TRAPPC9: variants seen among roughly 807,000 people sequenced by gnomAD.
TRAPPC9 encodes the protein trafficking protein particle complex subunit 9, also known as IKK2 binding protein.
Under a neutral mutation model 124.0 loss-of-function variants are expected in TRAPPC9, and 83 were observed. The observed-to-expected ratio is 0.67, with a 90% CI of 0.56 to 0.80. The LOEUF (loss-of-function observed/expected upper bound fraction) is 0.80, where lower values mean the gene tolerates loss of function less well. Among genes scored for constraint, TRAPPC9 ranks in the 30% least tolerant of loss-of-function variants. The probability of loss-of-function intolerance (pLI) is 0.00; values close to 1 mark genes in which losing one functional copy is unlikely to be tolerated. For missense variants in TRAPPC9, 1,302 were observed against 1,508.3 expected, an observed-to-expected ratio of 0.86 and a Z score of 2.27; for synonymous variants, 638 against 617.5, an observed-to-expected ratio of 1.03 and a Z score of -0.49.
intron 17 of TRAPPC9, among the ~76,000 whole-genome samples, chr8:140,130,432 C>A (rs953760111): frequency 3.3e-5 from 5 of 152,076 alleles, no homozygotes; most frequent in Non-Finnish European, 7.4e-5. Flanking sequence ...GTATTCCTGT[C>A]CAAATTACAG....
chr8:140,096,261 G>A (rs573466820), intron 17 of TRAPPC9: 2 of 152,274 alleles, frequency 1.3e-5, no homozygotes, highest in African/African-American at 2.4e-5. Context: ...AGGGAGGTAA[G>A]TGGGAGGGGA....
chr8:139,771,719 G>A (rs147982324), intron 21 of TRAPPC9, among the ~76,000 whole-genome samples: 14 of 152,340 alleles, frequency 9.2e-5, no homozygotes, highest in African/African-American at 2.2e-4. Context: ...TAGAATCTGC[G>A]CGTCAGTGAT....
intron 21 of TRAPPC9, among the ~76,000 whole-genome samples, chr8:139,862,325 G>C (rs527973588): frequency 1.3e-5 from 2 of 152,214 alleles, no homozygotes; most frequent in Admixed American, 1.3e-4. Context: ...TCTAGAGAAG[G>C]GGCTTGTCCT....
chr8:140,186,266 A>C (rs1432474329), intron 17 of TRAPPC9, among the ~76,000 whole-genome samples: 2 of 152,218 alleles, frequency 1.3e-5, no homozygotes, highest in African/African-American at 2.4e-5. Context: ...TTCCTTGCTC[A>C]ATAGAACTAC....
rs1563804962 is a variant in TRAPPC9, at chr8:139,776,119, G to GAGGACA, written c.3056-43918_3056-43917insTGTCCT. The stretch of plus-strand genomic sequence containing the variant: ...ACCTCCTTCCTGAGGACAAGAGGAC[G>GAGGACA]AGGCTGGACTCTGCCAGGACCACGT... On this transcript the variant is annotated intron_variant, in intron 21 of 22. Coordinates refer to ENST00000438773, the MANE Select transcript of TRAPPC9 (RefSeq NM_001160372.4). This position sits in a 1 kb window ranked among gnomAD's most constrained non-coding sequence, Gnocchi z 4.1. 6.6e-6 allele frequency among the ~76,000 whole-genome samples: 1 copy of GAGGACA among 152,000 alleles called. No homozygotes were observed. The highest frequency in any genetic ancestry group is 6.5e-5 in the Admixed American group (1 of 15,276).
intron 21 of TRAPPC9, among the ~76,000 whole-genome samples, chr8:139,884,560 C>G (rs979689798): frequency 1.3e-5 from 2 of 152,222 alleles, no homozygotes; most frequent in Admixed American, 6.5e-5. Context: ...TACAGCTAAT[C>G]CCCCTGGGCC....
chr8:140,337,385 T>C (rs2067071055), intron 9 of TRAPPC9, among the ~76,000 whole-genome samples: 1 of 152,158 alleles, frequency 6.6e-6, no homozygotes, highest in Non-Finnish European at 1.5e-5. Context: ...CAGAAGGTGC[T>C]GCATTTGAGG....
intron 5 of TRAPPC9, among the ~76,000 whole-genome samples, chr8:140,415,478 C>G (rs1351940525): frequency 6.7e-6 from 1 of 150,360 alleles, no homozygotes; most frequent in Non-Finnish European, 1.5e-5. Context: ...TAGCTTGAAC[C>G]CAGGAGGTGG....
chr8:139,889,016 T>C (rs1360624432), intron 20 of TRAPPC9, among the ~76,000 whole-genome samples: 1 of 152,210 alleles, frequency 6.6e-6, no homozygotes, highest in Non-Finnish European at 1.5e-5. Flanking sequence ...TGCAGTGATC[T>C]TCACAATAGC....
intron 19 of TRAPPC9, among the ~76,000 whole-genome samples, chr8:139,938,538 G>C (rs944951427): frequency 2.0e-5 from 3 of 151,976 alleles, no homozygotes; most frequent in Admixed American, 2.0e-4. Flanking sequence ...TCCCGCCTCG[G>C]CCTCCCAAAG....
intron 7 of TRAPPC9, among the ~76,000 whole-genome samples, chr8:140,375,732 A>C (rs11992362): frequency 0.032 from 4,927 of 152,292 alleles, 260 homozygotes; most frequent in African/African-American, 0.11. Flanking sequence ...ACAAGTTCTA[A>C]CCCCAAGTTA....
chr8:139,895,123 G>GCTCTTTC (rs1830584450), intron 20 of TRAPPC9, among the ~76,000 whole-genome samples: 1 of 152,162 alleles, frequency 6.6e-6, no homozygotes, highest in Non-Finnish European at 1.5e-5. Flanking sequence ...CAGAGGCCAG[G>GCTCTTTC]CTCTTTCCTG....
chr8:140,453,327 C>T (rs1025407139), intron 1 of TRAPPC9, among the ~76,000 whole-genome samples: 4 of 152,050 alleles, frequency 2.6e-5, no homozygotes, highest in African/African-American at 4.8e-5. Context: ...TTTTCTTTTT[C>T]TTAAATAGGA....
At chr8:139,767,130 C>T (rs1180062587) in intron 21 of TRAPPC9, among the ~76,000 whole-genome samples, 1 of 152,220 alleles carries the variant, frequency 6.6e-6, no homozygotes, top group Non-Finnish European at 1.5e-5. Flanking sequence ...AGGTGCTTTA[C>T]ACATCATCTG....
intron 21 of TRAPPC9, among the ~76,000 whole-genome samples, chr8:139,760,848 A>G (rs1820173239): frequency 6.6e-6 from 1 of 152,232 alleles, no homozygotes; most frequent in South Asian, 2.1e-4. Context: ...TTACCCCATA[A>G]GTCAACCATC....
intron 21 of TRAPPC9, among the ~76,000 whole-genome samples, chr8:139,832,142 A>C (rs904799132): frequency 1.3e-5 from 2 of 152,190 alleles, no homozygotes; most frequent in Non-Finnish European, 2.9e-5. Context: ...GTTCGAGCTC[A>C]CAAGCTTCCC....
At chr8:140,423,953 A>G (rs977442943) in intron 5 of TRAPPC9, among the ~76,000 whole-genome samples, 4 of 152,166 alleles carry the variant, frequency 2.6e-5, no homozygotes, top group Non-Finnish European at 4.4e-5. Context: ...ATAGCTTACT[A>G]GTTGCTTGGG....
At chr8:140,111,794 A>G (rs1274492372) in intron 17 of TRAPPC9, among the ~76,000 whole-genome samples, 2 of 152,256 alleles carry the variant, frequency 1.3e-5, no homozygotes, top group African/African-American at 4.8e-5. Flanking sequence ...TGAAAAAGTG[A>G]TCGGTGTGAT....
chr8:139,856,734 CA>C (rs35682231), intron 21 of TRAPPC9, among the ~76,000 whole-genome samples: 75,246 of 128,488 alleles, frequency 0.59, 20,912 homozygotes, highest in Non-Finnish European at 0.67. Context: ...CCAGCACCTG[CA>C]AAAAAAAAAA....
Sources: allele counts gnomAD v4.1 joint callset (sites outside exome capture counted in the v4.1 genomes callset), GRCh38; gene constraint gnomAD v4.1.1; non-coding constraint Gnocchi (gnomAD v3.1); transcripts MANE v1.5; gene names NCBI Gene and HGNC (gene_info 2026-07-23, HGNC 2026-07-21).